The following DNAH14 variants were observed in gnomAD, a reference collection of about 807,000 sequenced individuals.
DNAH14 encodes axonemal beta dynein heavy chain 14.
In DNAH14, 478 loss-of-function variants were observed where a neutral mutation model predicts 520.9. The ratio of observed to expected loss-of-function variants is 0.92; its 90% CI spans 0.85 to 0.99. The LOEUF (loss-of-function observed/expected upper bound fraction) is 0.99, where lower values mean the gene tolerates loss of function less well. DNAH14 is among the 50% of genes least tolerant of loss of function. The pLI is 0.00. For synonymous variants in DNAH14, 1,581 were observed against 1,757.2 expected (o/e 0.90, Z 2.51); for missense variants, 4,831 against 5,234.5 (o/e 0.92, Z 2.38).
At chr1:225,231,207 C>A in intron 42 of DNAH14, 56 bp downstream of exon 42, 1 of 1,108,504 alleles carries the variant, frequency 9.0e-7, no homozygotes, top group African/African-American at 1.6e-5. Flanking sequence ...GCCAGACCCT[C>A]AAATATGCAC....
chr1:225,029,773 A>G (rs910192551), intron 11 of DNAH14, among the ~76,000 whole-genome samples: 2 of 152,116 alleles, frequency 1.3e-5, no homozygotes, highest in African/African-American at 4.8e-5. Flanking sequence ...AACAAGAAGC[A>G]TATTTGAAAA....
At chr1:225,242,931 T>C (rs1202873253) in intron 43 of DNAH14, among the ~76,000 whole-genome samples, 1 of 152,228 alleles carries the variant, frequency 6.6e-6, no homozygotes, top group Non-Finnish European at 1.5e-5. Context: ...CATCATTATA[T>C]ATCCAGTCCA....
Position 225,165,570 on chromosome 1 carries a change from T to TTTGTTTGGTTGGTTGG in DNAH14, c.5446-2366_5446-2365insTTTGGTTGGTTGGTTG, listed in dbSNP as rs1553489103. Among the ~76,000 whole-genome samples, 3 of 150,502 alleles carry TTTGTTTGGTTGGTTGG rather than the reference T, an allele frequency of 2.0e-5. No homozygotes were observed. In the East Asian group the frequency reaches 5.9e-4, roughly 30 times the overall value. ...TTTGTTTTTTTTTTTTACTTGTTTG[T>TTTGTTTGGTTGGTTGG]TTGGTTGGTTGGTTGGTTGGTTGGT... is the stretch of plus-strand genomic sequence containing the variant. On this transcript the variant is annotated intron_variant, in intron 35 of 85. Coordinates refer to ENST00000682510, the MANE Select transcript of DNAH14 (RefSeq NM_001367479.1).
chr1:225,106,425 G>T (rs555608423), intron 23 of DNAH14, among the ~76,000 whole-genome samples: 1 of 152,112 alleles, frequency 6.6e-6, no homozygotes, highest in Admixed American at 6.5e-5. Flanking sequence ...TTGAATGTTG[G>T]CCTGCCTTGC....
rs1258562069 is a variant in DNAH14, at chr1:225,335,869, A to G, written c.10081-1397A>G. On this transcript the variant is annotated intron_variant, in intron 66 of 85. Transcript: ENST00000682510. Reference sequence around the variant, plus strand: ...TACACATATGTACATATATGTACATACACATATACATATATGTACATATAC... The same window carrying G: ...TACACATATGTACATATATGTACATGCACATATACATATATGTACATATAC... Among the ~76,000 whole-genome samples the G allele has an allele frequency of 2.8e-4, 15 of 53,894 alleles. 1 individual carries two copies. Among genetic ancestry groups the G allele is most frequent in the African/African-American group, 1.1e-3 (12 of 10,574 alleles). The allele number at this position is 53,894 out of a possible 152,430, so 35.4% of individuals were successfully genotyped here.
chr1:225,070,133 T>C (rs923762445), intron 17 of DNAH14, among the ~76,000 whole-genome samples: 3 of 152,186 alleles, frequency 2.0e-5, no homozygotes, highest in Non-Finnish European at 4.4e-5. Flanking sequence ...GTGTCTCTTT[T>C]ATTAATTTTT....
chr1:225,120,209 A>G (rs1211450887), intron 26 of DNAH14, among the ~76,000 whole-genome samples: 1 of 152,188 alleles, frequency 6.6e-6, no homozygotes, highest in African/African-American at 2.4e-5. Flanking sequence ...AGATGGAATC[A>G]TAGCGGGGGT....
chr1:225,310,465 T>C (rs1574678251), intron 60 of DNAH14, among the ~76,000 whole-genome samples: 1 of 152,160 alleles, frequency 6.6e-6, no homozygotes, highest in African/African-American at 2.4e-5. Context: ...ATTTTTTATT[T>C]TACTTTAAGT....
intron 1 of DNAH14, among the ~76,000 whole-genome samples, chr1:224,943,721 C>G (rs965283200): frequency 3.3e-5 from 5 of 152,096 alleles, no homozygotes; most frequent in African/African-American, 9.7e-5. Flanking sequence ...TTTCAAAGAA[C>G]ATCTTTATTT....
intron 17 of DNAH14, among the ~76,000 whole-genome samples, chr1:225,066,718 A>G (rs2070932661): frequency 6.6e-6 from 1 of 151,750 alleles, no homozygotes; most frequent in Admixed American, 6.6e-5. Flanking sequence ...CTTATAGCTT[A>G]GCTCCCACTT....
chr1:225,208,164 T>G (rs982479547), intron 41 of DNAH14, among the ~76,000 whole-genome samples: 2 of 152,134 alleles, frequency 1.3e-5, no homozygotes, highest in African/African-American at 4.8e-5. Flanking sequence ...TGACCTGCTT[T>G]GAAGAGTGAC....
At chr1:225,305,191 T>C (rs2150092553) in intron 58 of DNAH14, 102 bp downstream of exon 58, 1 of 1,326,882 alleles carries the variant, frequency 7.5e-7, no homozygotes, top group Non-Finnish European at 1.0e-6. Context: ...GCCTTTTTGG[T>C]GGGACAAAAA....
chr1:225,057,514 C>T (rs960627443), intron 17 of DNAH14, among the ~76,000 whole-genome samples: 2 of 152,114 alleles, frequency 1.3e-5, no homozygotes, highest in Non-Finnish European at 2.9e-5. Flanking sequence ...ATTGAATACC[C>T]TTTATTTCCT....
In DNAH14 at chr1:225,336,157, CAT is replaced by C. The variant is rs552593568; in HGVS notation, c.10081-1097_10081-1096del. 1.5e-4 allele frequency among the ~76,000 whole-genome samples: 23 copies of C among 149,138 alleles called. No homozygotes were observed. The East Asian group carries it at 2.2e-3, about 14-fold the overall frequency. ...TATGTAGACAGACCTCAAGCAACCT[CAT>C]ATATATATATAAAGTTATAAGACTA... On this transcript the variant is annotated intron_variant, in intron 66 of 85. Transcript: ENST00000682510.
chr1:225,282,235 A>G (rs1169482712), intron 54 of DNAH14, among the ~76,000 whole-genome samples: 1 of 152,238 alleles, frequency 6.6e-6, no homozygotes, highest in African/African-American at 2.4e-5. Context: ...GCAGACCTGC[A>G]GGAGGTCCAT....
intron 81 of DNAH14, among the ~76,000 whole-genome samples, chr1:225,385,758 T>C (rs1262775274): frequency 6.6e-6 from 1 of 152,232 alleles, no homozygotes; most frequent in African/African-American, 2.4e-5. Context: ...GAACATTCCA[T>C]GCTCATGGAT....
chr1:225,336,633 A>G (rs1459820222), intron 66 of DNAH14, among the ~76,000 whole-genome samples: 1 of 152,206 alleles, frequency 6.6e-6, no homozygotes, highest in Non-Finnish European at 1.5e-5. Context: ...TATATAGAGC[A>G]CTGTAGCCTA....
intron 10 of DNAH14, among the ~76,000 whole-genome samples, chr1:225,021,870 C>A (rs971639176): frequency 6.6e-6 from 1 of 152,032 alleles, no homozygotes; most frequent in Admixed American, 6.6e-5. Context: ...TCACATTACC[C>A]GACTTCAAAC....
intron 66 of DNAH14, 50 bp from the exon 67 acceptor site, chr1:225,337,216 G>T: frequency 2.8e-6 from 4 of 1,425,380 alleles, no homozygotes; most frequent in South Asian, 1.2e-5. Flanking sequence ...GGATACTAAA[G>T]ATGTGAAGAC....
Sources: gnomAD v4.1 joint callset for allele counts (sites outside exome capture counted in the v4.1 genomes callset) on GRCh38, gnomAD v4.1.1 for gene constraint, MANE v1.5 for transcripts, NCBI Gene and HGNC (gene_info 2026-07-23, HGNC 2026-07-21) for gene names.